UST: variants seen among roughly 807,000 people sequenced by gnomAD.
UST encodes chondroitin sulfate 2-O-sulfotransferase.
In UST, 21 loss-of-function variants were observed where a neutral mutation model predicts 45.6. That is an observed-to-expected ratio of 0.46 (90% CI 0.33 to 0.66). UST has a LOEUF of 0.66. UST is among the 30% of genes least tolerant of loss of function. The pLI is 0.02. For synonymous variants in UST, 215 were observed against 200.6 expected, an observed-to-expected ratio of 1.07 and a Z score of -0.61; for missense variants, 463 against 512.4, an observed-to-expected ratio of 0.90 and a Z score of 0.93.
At chr6:148,841,285 C>T (rs879845807) in intron 1 of UST, among the ~76,000 whole-genome samples, 1 of 152,028 alleles carries the variant, frequency 6.6e-6, no homozygotes, top group Non-Finnish European at 1.5e-5. Context: ...AAACAAATTT[C>T]CATACCTGCA....
intron 5 of UST, among the ~76,000 whole-genome samples, chr6:148,991,435 T>C (rs1181083550): frequency 2.0e-5 from 3 of 151,936 alleles, no homozygotes; most frequent in Non-Finnish European, 4.4e-5. Flanking sequence ...TATGTATACA[T>C]GTGCCATGTT....
chr6:148,775,618 T>C (rs527980127), intron 1 of UST, among the ~76,000 whole-genome samples: 1 of 150,884 alleles, frequency 6.6e-6, no homozygotes, highest in African/African-American at 2.4e-5. Context: ...AACTCTTTTT[T>C]TAATTAAATT....
intron 7 of UST, among the ~76,000 whole-genome samples, chr6:149,038,156 T>TACCG (rs1390589198): frequency 6.6e-6 from 1 of 151,996 alleles, no homozygotes; most frequent in African/African-American, 2.4e-5. Context: ...ACCTTAGACT[T>TACCG]ACATTGGTTC....
intron 7 of UST, among the ~76,000 whole-genome samples, chr6:149,060,555 C>T (rs1776638761): frequency 6.6e-6 from 1 of 152,210 alleles, no homozygotes; most frequent in African/African-American, 2.4e-5. Flanking sequence ...CTGTGACAAG[C>T]ATCATGTTCA....
chr6:149,023,850 T>C (rs1776014291), intron 7 of UST, among the ~76,000 whole-genome samples: 1 of 152,224 alleles, frequency 6.6e-6, no homozygotes, highest in African/African-American at 2.4e-5. Context: ...TCCATTTAAA[T>C]ATGTGTCTTC....
chr6:148,990,564 T>A, intron 5 of UST: 1 of 358,998 alleles, frequency 2.8e-6, no homozygotes, highest in Non-Finnish European at 3.9e-6. Flanking sequence ...ACGAAAGCTT[T>A]ACTTTGGGGA....
At position 148,998,810 on chromosome 6, in the gene UST, G is replaced by C. The variant is rs574642202; in HGVS notation, c.682-20329G>C. 3.9e-5 allele frequency among the ~76,000 whole-genome samples: 6 copies of C among 152,366 alleles called. No individual in the cohort carries two copies. In the South Asian group the frequency reaches 1.0e-3, roughly 26 times the overall value. ...GCGCAGCCCCTTATAGGCCGAGGCT[G>C]CTGCCATGTATGTGCTGGTCTGAAT... On this transcript the variant is annotated intron_variant, in intron 5 of 7. Coordinates refer to ENST00000367463, the MANE Select transcript of UST (RefSeq NM_005715.3).
chr6:148,755,343 AAT>A (rs2114647729), intron 1 of UST, among the ~76,000 whole-genome samples: 1 of 152,348 alleles, frequency 6.6e-6, no homozygotes, highest in Admixed American at 6.5e-5. Flanking sequence ...TTTAAGAAGA[AAT>A]ATTGTTTTTA....
At chr6:148,993,499 T>C (rs1413696065) in intron 5 of UST, among the ~76,000 whole-genome samples, 1 of 152,206 alleles carries the variant, frequency 6.6e-6, no homozygotes, top group African/African-American at 2.4e-5. Flanking sequence ...AAGTTAAGGA[T>C]AAAAGAATTT....
At chr6:149,055,835 C>T (rs117888118) in intron 7 of UST, among the ~76,000 whole-genome samples, 1 of 152,274 alleles carries the variant, frequency 6.6e-6, no homozygotes, top group East Asian at 1.9e-4. Context: ...CCTTCTCTTC[C>T]ATCTGACATC....
intron 5 of UST, among the ~76,000 whole-genome samples, chr6:148,999,558 A>G (rs1030890530): frequency 6.6e-6 from 1 of 152,260 alleles, no homozygotes; most frequent in Admixed American, 6.5e-5. Flanking sequence ...CACTGCTATG[A>G]TGTAACAGTG....
chr6:148,792,073 G>A (rs1163192022), intron 1 of UST, among the ~76,000 whole-genome samples: 1 of 152,256 alleles, frequency 6.6e-6, no homozygotes, highest in East Asian at 1.9e-4. Context: ...CTGAGAAGAG[G>A]GGACGAGAGC....
chr6:148,906,366 T>C (rs1271368731), intron 2 of UST, among the ~76,000 whole-genome samples: 4 of 152,262 alleles, frequency 2.6e-5, no homozygotes, highest in Non-Finnish European at 5.9e-5. Flanking sequence ...GGTTCTTTGA[T>C]TTAGAATATG....
At chr6:148,833,152 T>C (rs1169575970) in intron 1 of UST, among the ~76,000 whole-genome samples, 3 of 152,206 alleles carry the variant, frequency 2.0e-5, no homozygotes, top group African/African-American at 4.8e-5. Flanking sequence ...ATGAAACAGT[T>C]ATCTGCAATG....
At chr6:149,052,416 A>G (rs1349436619) in intron 7 of UST, among the ~76,000 whole-genome samples, 1 of 152,142 alleles carries the variant, frequency 6.6e-6, no homozygotes, top group Admixed American at 6.6e-5. Flanking sequence ...CCTAAGAACA[A>G]CCCTGTGAGG....
At chr6:149,009,560 AAC>A (rs113280120) in intron 5 of UST, among the ~76,000 whole-genome samples, 4 of 143,028 alleles carry the variant, frequency 2.8e-5, no homozygotes, top group Admixed American at 1.4e-4. Flanking sequence ...CTGATGTTAA[AAC>A]ACACACACAC....
rs531677065 is a variant in UST at position 148,766,515 on chromosome 6, T to A, written c.247+18838T>A. Among the ~76,000 whole-genome samples the A allele has an allele frequency of 2.6e-5, 4 of 152,306 alleles. No homozygotes were observed. The South Asian group carries it at 8.3e-4, about 32-fold the overall frequency. On this transcript the variant is annotated intron_variant, in intron 1 of 7. Coordinates refer to ENST00000367463, the MANE Select transcript of UST (RefSeq NM_005715.3). ...AGTTATATGCTGAGTGCTAAGATAA[T>A]CACCGTATTCATGGGGCTGTGTTGT...
chr6:148,999,919 T>C (rs1173521029), intron 5 of UST, among the ~76,000 whole-genome samples: 2 of 152,186 alleles, frequency 1.3e-5, no homozygotes, highest in South Asian at 2.1e-4. Flanking sequence ...TGATAGAATA[T>C]AAAAAGAGGA....
intron 7 of UST, among the ~76,000 whole-genome samples, chr6:149,044,341 T>C (rs1292565116): frequency 2.0e-5 from 3 of 152,260 alleles, no homozygotes; most frequent in Non-Finnish European, 4.4e-5. Flanking sequence ...CTTGTCAGTG[T>C]CTGACTTCTG....
Sources: allele counts gnomAD v4.1 joint callset (sites outside exome capture counted in the v4.1 genomes callset), GRCh38; gene constraint gnomAD v4.1.1; transcripts MANE v1.5; gene names NCBI Gene and HGNC (gene_info 2026-07-23, HGNC 2026-07-21).